LHFPL3: variants seen among roughly 807,000 people sequenced by gnomAD.
LHFPL3 encodes the protein LHFPL tetraspan subfamily member 3, also known as LHFPL tetraspan subfamily member 3 protein.
A neutral mutation model predicts 19.3 loss-of-function variants in LHFPL3; 5 were observed. The observed-to-expected ratio is 0.26, with a 90% CI of 0.14 to 0.54. LHFPL3 has a LOEUF of 0.54. Ranked by LOEUF, LHFPL3 falls within the 20% of genes least tolerant of loss-of-function variation. The pLI is 0.94. For synonymous variants in LHFPL3, 133 were observed against 126.2 expected, an observed-to-expected ratio of 1.05 and a Z score of -0.36; for missense variants, 249 against 307.4, an observed-to-expected ratio of 0.81 and a Z score of 1.42.
intron 1 of LHFPL3, among the ~76,000 whole-genome samples, chr7:104,525,891 T>C (rs10271094): frequency 0.59 from 89,162 of 151,874 alleles, 26,455 homozygotes; most frequent in African/African-American, 0.67. Context: ...AGGGGTGAGC[T>C]ACTGTGCCTG....
At chr7:104,476,844 G>C (rs1050784927) in intron 1 of LHFPL3, among the ~76,000 whole-genome samples, 1 of 152,116 alleles carries the variant, frequency 6.6e-6, no homozygotes, top group Non-Finnish European at 1.5e-5. Flanking sequence ...TATCAGCTAA[G>C]TTAGAAACAA....
intron 1 of LHFPL3, among the ~76,000 whole-genome samples, chr7:104,509,648 T>A (rs1793771885): frequency 6.6e-6 from 1 of 151,910 alleles, no homozygotes; most frequent in African/African-American, 2.4e-5. Flanking sequence ...GGTAAAAAAT[T>A]AAATGCTTTG....
At chr7:104,768,367 A>G (rs936532198) in intron 2 of LHFPL3, among the ~76,000 whole-genome samples, 2 of 152,140 alleles carry the variant, frequency 1.3e-5, no homozygotes, top group Admixed American at 1.3e-4. Flanking sequence ...GTGAACCGAC[A>G]TCACACTCCC....
At chr7:104,646,277 A>C (rs1454071419) in intron 1 of LHFPL3, among the ~76,000 whole-genome samples, 1 of 152,214 alleles carries the variant, frequency 6.6e-6, no homozygotes, top group Non-Finnish European at 1.5e-5. Flanking sequence ...ATGCATTTTA[A>C]AGAATTTGTT....
chr7:104,630,375 C>T (rs1174922764), intron 1 of LHFPL3, among the ~76,000 whole-genome samples: 1 of 151,912 alleles, frequency 6.6e-6, no homozygotes, highest in African/African-American at 2.4e-5. Context: ...GAGGTAATTG[C>T]ATAGGAAAAA....
At chr7:104,859,622 T>C (rs1791576231) in intron 2 of LHFPL3, among the ~76,000 whole-genome samples, 1 of 151,956 alleles carries the variant, frequency 6.6e-6, no homozygotes, top group Non-Finnish European at 1.5e-5. Flanking sequence ...TGAGCTGAGA[T>C]CATACCACCA....
In LHFPL3 at chr7:104,604,276, A is replaced by G. The variant is rs75257496; in HGVS notation, c.446-132399A>G. Among the ~76,000 whole-genome samples the G allele has an allele frequency of 4.3e-3, 661 of 152,322 alleles. 33 individuals are homozygous for G. The East Asian group carries it at 0.1, about 23-fold the overall frequency. On this transcript the variant is annotated intron_variant, in intron 1 of 2. Transcript: ENST00000424859. ...CCAGAGCTATGGCCAGGGTGGTCGA[A>G]GAGTGCTGCACCAAGATTCAGAGAG...
chr7:104,479,532 C>T (rs1346876257), intron 1 of LHFPL3, among the ~76,000 whole-genome samples: 1 of 152,122 alleles, frequency 6.6e-6, no homozygotes. Flanking sequence ...GCTGGGATTA[C>T]AGGTGCCCAC....
chr7:104,592,696 C>G (rs2385240), intron 1 of LHFPL3, among the ~76,000 whole-genome samples: 28,395 of 152,062 alleles, frequency 0.19, 2,862 homozygotes, highest in East Asian at 0.38. Context: ...TGCCCTGCCC[C>G]CAGAGGTGGA....
At chr7:104,897,954 C>A (rs1409344547) in intron 2 of LHFPL3, among the ~76,000 whole-genome samples, 1 of 150,488 alleles carries the variant, frequency 6.6e-6, no homozygotes, top group African/African-American at 2.4e-5. Flanking sequence ...AGAATGGGAT[C>A]CACATCACAG....
rs60085377 is a variant in LHFPL3, at chr7:104,614,680, CTTCTTTCTTTCTTTCT to C, written c.446-121950_446-121935del. Among the ~76,000 whole-genome samples the C allele has an allele frequency of 6.6e-3, 620 of 94,282 alleles. 9 individuals are homozygous for C. Among genetic ancestry groups the C allele is most frequent in the African/African-American group, 0.021 (477 of 23,200 alleles). 61.9% of individuals were successfully genotyped at this position (94,282 alleles called of 152,430 possible). Reference sequence around the variant, plus strand: ...CCTTCCTTCCTTCCTTCCTTCCTTCCTTCTTTCTTTCTTTCTTTCTTTCTTTCTTTCTTTCTTTCTT... The same window carrying C: ...CCTTCCTTCCTTCCTTCCTTCCTTCCTTCTTTCTTTCTTTCTTTCTTTCTT... On this transcript the variant is annotated intron_variant, in intron 1 of 2. Coordinates refer to ENST00000424859, the MANE Select transcript of LHFPL3 (RefSeq NM_199000.3).
chr7:104,736,939 T>C (rs1483701454), intron 2 of LHFPL3, 28 bp downstream of exon 2: 1 of 1,531,600 alleles, frequency 6.5e-7, no homozygotes, highest in African/African-American at 1.4e-5. Context: ...AACTCTTACC[T>C]GGATGCCTCA....
intron 2 of LHFPL3, among the ~76,000 whole-genome samples, chr7:104,800,928 A>T (rs2470956): frequency 0.47 from 72,005 of 152,050 alleles, 18,120 homozygotes; most frequent in Non-Finnish European, 0.56. Context: ...TCCCTTTATG[A>T]GGCTACCAGC....
At chr7:104,415,323 G>T (rs1320790894) in intron 1 of LHFPL3, among the ~76,000 whole-genome samples, 1 of 152,168 alleles carries the variant, frequency 6.6e-6, no homozygotes, top group African/African-American at 2.4e-5. Context: ...TACTGTGAAT[G>T]ATGCCTACTG....
Position 104,693,794 on chromosome 7 carries a change from GT to G in LHFPL3, c.446-42871del, listed in dbSNP as rs71155519. ...GCCACCACGCCCTGCTAATTGTGGG[GT>G]TTTTTTTTTGTATTTTTAGTAGAGA... is the stretch of plus-strand genomic sequence containing the variant. On this transcript the variant is annotated intron_variant, in intron 1 of 2. Transcript: ENST00000424859. Among the ~76,000 whole-genome samples the G allele has an allele frequency of 1.6e-3, 235 of 146,640 alleles. 2 individuals carry two copies. The highest frequency in any genetic ancestry group is 5.3e-3 in the African/African-American group (210 of 39,950).
intron 2 of LHFPL3, among the ~76,000 whole-genome samples, chr7:104,868,258 G>A (rs1244472799): frequency 1.3e-5 from 2 of 152,044 alleles, no homozygotes; most frequent in Non-Finnish European, 2.9e-5. Context: ...GAAATAAAGG[G>A]TATTCAATTA....
chr7:104,474,769 G>C (rs1301539720), intron 1 of LHFPL3, among the ~76,000 whole-genome samples: 1 of 150,734 alleles, frequency 6.6e-6, no homozygotes, highest in Non-Finnish European at 1.5e-5. Context: ...ATAGTAGAAT[G>C]AAATAAATAC....
chr7:104,423,755 C>A (rs930169574), intron 1 of LHFPL3, among the ~76,000 whole-genome samples: 1 of 151,460 alleles, frequency 6.6e-6, no homozygotes, highest in African/African-American at 2.4e-5. Flanking sequence ...TAGCAGCAGT[C>A]CAAAATGTCA....
intron 1 of LHFPL3, among the ~76,000 whole-genome samples, chr7:104,711,379 G>A (rs1266617708): frequency 6.6e-6 from 1 of 152,220 alleles, no homozygotes; most frequent in Non-Finnish European, 1.5e-5. Context: ...AGACTAGCAA[G>A]ACTGGGATTA....
Sources: gnomAD v4.1 joint callset for allele counts (sites outside exome capture counted in the v4.1 genomes callset) on GRCh38, gnomAD v4.1.1 for gene constraint, MANE v1.5 for transcripts, NCBI Gene and HGNC (gene_info 2026-07-23, HGNC 2026-07-21) for gene names.